Variants in MAST4 observed in about 807,000 individuals in gnomAD.
MAST4 encodes the protein microtubule-associated serine/threonine-protein kinase 4.
Under a neutral mutation model 162.7 loss-of-function variants are expected in MAST4, and 89 were observed. The observed-to-expected ratio is 0.55, with a 90% CI of 0.46 to 0.65. The LOEUF (loss-of-function observed/expected upper bound fraction) is 0.65. Among genes scored for constraint, MAST4 ranks in the 30% least tolerant of loss-of-function variants. The pLI is 0.00. For synonymous variants in MAST4, 1,479 were observed against 1,361.1 expected (o/e 1.09, Z -1.91); for missense variants, 3,153 against 3,374.0 (o/e 0.93, Z 1.62).
At chr5:66,642,862 G>A (rs999761334) in intron 1 of MAST4, among the ~76,000 whole-genome samples, 1 of 152,142 alleles carries the variant, frequency 6.6e-6, no homozygotes, top group African/African-American at 2.4e-5. Flanking sequence ...TAGGATGGGC[G>A]TGATGTTAAT....
chr5:66,673,104 T>A (rs146899781), intron 1 of MAST4, among the ~76,000 whole-genome samples: 1 of 152,334 alleles, frequency 6.6e-6, no homozygotes. Flanking sequence ...CTTCAGTACA[T>A]TGCCTTTCAT....
At chr5:67,140,624 T>G (rs769500483) in intron 19 of MAST4, among the ~76,000 whole-genome samples, 38 of 152,258 alleles carry the variant, frequency 2.5e-4, no homozygotes, top group Admixed American at 3.9e-4. Context: ...CCTTGAATCT[T>G]TACCCTCTGG....
intron 1 of MAST4, among the ~76,000 whole-genome samples, chr5:66,599,456 C>T (rs1742416325): frequency 6.6e-6 from 1 of 152,210 alleles, no homozygotes; most frequent in Admixed American, 6.5e-5. Context: ...TTCTGCAAAT[C>T]TCAGCTTTCC....
intron 1 of MAST4, among the ~76,000 whole-genome samples, chr5:66,634,883 C>T (rs1210686757): frequency 6.6e-6 from 1 of 152,216 alleles, no homozygotes; most frequent in Non-Finnish European, 1.5e-5. Context: ...CCCTCTGCTT[C>T]CTTCTCTTAG....
intron 3 of MAST4, among the ~76,000 whole-genome samples, chr5:66,843,027 G>A (rs992308424): frequency 2.0e-5 from 3 of 152,106 alleles, no homozygotes; most frequent in African/African-American, 7.2e-5. Flanking sequence ...ACTCCTCCGT[G>A]TGTCTGTATA....
chr5:66,632,013 C>G (rs10461387), intron 1 of MAST4, among the ~76,000 whole-genome samples: 39,445 of 152,040 alleles, frequency 0.26, 5,271 homozygotes, highest in South Asian at 0.31. Flanking sequence ...TTCTATTCAT[C>G]AGTTGATTTT....
chr5:66,854,028 G>A (rs1186902829), intron 3 of MAST4, among the ~76,000 whole-genome samples: 2 of 152,134 alleles, frequency 1.3e-5, no homozygotes, highest in Non-Finnish European at 2.9e-5. Flanking sequence ...TTTCCACAAA[G>A]GCAGGGACTG....
chr5:66,764,710 G>A (rs1374115802), intron 2 of MAST4, among the ~76,000 whole-genome samples: 1 of 152,162 alleles, frequency 6.6e-6, no homozygotes, highest in Non-Finnish European at 1.5e-5. Flanking sequence ...GTACAGCTCT[G>A]CAATGTGTTT....
intron 1 of MAST4, among the ~76,000 whole-genome samples, chr5:66,686,457 G>T (rs1033749839): frequency 1.3e-5 from 2 of 152,078 alleles, no homozygotes; most frequent in Non-Finnish European, 2.9e-5. Context: ...TTAAAAATGG[G>T]ATCAAAAAAC....
intron 4 of MAST4, among the ~76,000 whole-genome samples, chr5:66,989,406 C>G (rs1456456190): frequency 6.6e-6 from 1 of 152,156 alleles, no homozygotes. Context: ...TGGTTTGACC[C>G]AGTCATTGAT....
At position 67,142,469 on chromosome 5, in the gene MAST4, C is replaced by G; in HGVS notation, c.2666C>G (p.Thr889Arg). The G allele has an allele frequency of 1.2e-6, 2 of 1,600,870 alleles. No individual in the cohort carries two copies. Among genetic ancestry groups the G allele is most frequent in the Non-Finnish European group, 1.7e-6 (2 of 1,173,230 alleles). The stretch of plus-strand genomic sequence containing the variant: ...ATGGAAACGGAGGAAGAAGATGACA[C>G]AAATGATGAAGACTTTAATGTGGAA... ...HHMETEEEDD[T>R]NDEDFNVEIR... The change falls in exon 21 of 29, where the codon ACA (threonine) becomes AGA (arginine). Residue 889 changes from threonine to arginine, a missense_variant. This residue lies in a region of MAST4 where 619 missense variants were observed against 744.2 expected (regional missense o/e 0.83). Coordinates refer to ENST00000403625, the MANE Select transcript of MAST4 (RefSeq NM_001164664.2).
intron 1 of MAST4, among the ~76,000 whole-genome samples, chr5:66,708,152 G>T (rs1419401094): frequency 1.3e-5 from 2 of 152,114 alleles, no homozygotes; most frequent in African/African-American, 4.8e-5. Context: ...TCCTAGTTTC[G>T]CTGCACTGTG....
At chr5:67,068,785 G>C (rs1760551562) in intron 5 of MAST4, among the ~76,000 whole-genome samples, 1 of 151,940 alleles carries the variant, frequency 6.6e-6, no homozygotes, top group South Asian at 2.1e-4. Context: ...ATTATTTTAG[G>C]AATGAACTAT....
intron 3 of MAST4, among the ~76,000 whole-genome samples, chr5:66,844,306 G>C (rs1050639749): frequency 6.6e-6 from 1 of 151,798 alleles, no homozygotes; most frequent in Non-Finnish European, 1.5e-5. Flanking sequence ...TTGAAATGCA[G>C]GCACACATTT....
At chr5:66,890,780 G>T (rs557185075) in intron 3 of MAST4, among the ~76,000 whole-genome samples, 1 of 152,204 alleles carries the variant, frequency 6.6e-6, no homozygotes, top group Non-Finnish European at 1.5e-5. Context: ...GGCAGATGTG[G>T]ATTCAAAGAC....
intron 5 of MAST4, among the ~76,000 whole-genome samples, chr5:67,064,376 T>C (rs1242466186): frequency 6.6e-6 from 1 of 152,130 alleles, no homozygotes; most frequent in East Asian, 1.9e-4. Context: ...GCGTCACAGA[T>C]GTCCACTGAA....
chr5:66,827,278 CACATATAAGCGAGAGCT>C (rs1757310234), intron 3 of MAST4, among the ~76,000 whole-genome samples: 1 of 152,134 alleles, frequency 6.6e-6, no homozygotes, highest in Non-Finnish European at 1.5e-5. Context: ...ATTACTCCTC[CACATATAAGCGAGAGCT>C]AAAAACTCTC....
chr5:67,088,372 G>A lies in MAST4; in HGVS notation c.764-1790G>A, dbSNP rs141912420. On this transcript the variant is annotated intron_variant, in intron 5 of 28. Coordinates refer to ENST00000403625, the MANE Select transcript of MAST4 (RefSeq NM_001164664.2). ...TTCAGATAATCAGTTATTGTGTTACGCCTAATTATTTACTGGTAGTTTGCT... is the reference window on the plus strand; with the variant it reads ...TTCAGATAATCAGTTATTGTGTTACACCTAATTATTTACTGGTAGTTTGCT... 1.3e-3 allele frequency among the ~76,000 whole-genome samples: 198 copies of A among 152,208 alleles called. 1 individual carries two copies. Among genetic ancestry groups the A allele is most frequent in the Non-Finnish European group, 1.7e-3 (119 of 68,004 alleles).
chr5:67,027,129 A>G (rs1023967478), intron 4 of MAST4, among the ~76,000 whole-genome samples: 3 of 152,214 alleles, frequency 2.0e-5, no homozygotes, highest in Admixed American at 2.0e-4. Context: ...TACATTTTTA[A>G]TGATACAATT....
Sources: gnomAD v4.1 joint callset for allele counts (sites outside exome capture counted in the v4.1 genomes callset) on GRCh38, gnomAD v4.1.1 for gene constraint, gnomAD v4.1.1 regional missense constraint, MANE v1.5 for transcripts, NCBI Gene and HGNC (gene_info 2026-07-23, HGNC 2026-07-21) for gene names.